Variants in METTL16 observed in about 807,000 individuals in gnomAD.
METTL16 encodes the protein RNA N(6)-adenosine-methyltransferase METTL16.
Under a neutral mutation model 57.9 loss-of-function variants are expected in METTL16, and 19 were observed. That is an observed-to-expected ratio of 0.33 (90% CI 0.23 to 0.48). METTL16 has a LOEUF of 0.48. Ranked by LOEUF, METTL16 falls within the 20% of genes least tolerant of loss-of-function variation. The pLI, the probability that METTL16 is intolerant of heterozygous loss-of-function variation, is 0.99. For synonymous variants in METTL16, 246 were observed against 255.6 expected (o/e 0.96, Z 0.36); for missense variants, 434 against 691.5 (o/e 0.63, Z 4.18).
At chr17:2,473,058 G>A (rs1202224487) in intron 4 of METTL16, among the ~76,000 whole-genome samples, 1 of 152,122 alleles carries the variant, frequency 6.6e-6, no homozygotes, top group African/African-American at 2.4e-5. Context: ...TCTGTTGGGG[G>A]ATGCTGATAA....
intron 8 of METTL16, among the ~76,000 whole-genome samples, chr17:2,434,905 T>C (rs1349083427): frequency 6.6e-6 from 1 of 152,176 alleles, no homozygotes; most frequent in Non-Finnish European, 1.5e-5. Flanking sequence ...AGTGAACAAC[T>C]CACTAGGGCT....
chr17:2,447,466 C>G (rs1390356125), intron 6 of METTL16, among the ~76,000 whole-genome samples: 1 of 136,988 alleles, frequency 7.3e-6, no homozygotes, highest in Non-Finnish European at 1.5e-5. Flanking sequence ...GTCAGCCCCC[C>G]GCCCGGCCAG....
chr17:2,434,881 G>A (rs1267115983), intron 8 of METTL16, among the ~76,000 whole-genome samples: 1 of 152,228 alleles, frequency 6.6e-6, no homozygotes, highest in Non-Finnish European at 1.5e-5. Flanking sequence ...TTCCTGAGCA[G>A]TGCTCACACC....
At chr17:2,444,714 T>C (rs2066981472) in intron 6 of METTL16, among the ~76,000 whole-genome samples, 1 of 132,544 alleles carries the variant, frequency 7.5e-6, no homozygotes, top group South Asian at 2.4e-4. Flanking sequence ...AGATGGACCA[T>C]TTTTTTTTTT....
chr17:2,452,276 T>C (rs2067077047), intron 6 of METTL16, among the ~76,000 whole-genome samples: 1 of 152,196 alleles, frequency 6.6e-6, no homozygotes, highest in Admixed American at 6.5e-5. Context: ...TTCATATTTC[T>C]TTTAACCTTT....
intron 6 of METTL16, among the ~76,000 whole-genome samples, chr17:2,453,839 G>A (rs1449593783): frequency 6.6e-6 from 1 of 152,092 alleles, no homozygotes; most frequent in Non-Finnish European, 1.5e-5. Context: ...ATTGAAGACT[G>A]GCAATCTGGT....
intron 8 of METTL16, among the ~76,000 whole-genome samples, chr17:2,437,465 G>C (rs1299905732): frequency 6.6e-6 from 1 of 152,188 alleles, no homozygotes; most frequent in Non-Finnish European, 1.5e-5. Flanking sequence ...AATTCTTGAG[G>C]AATGTCCACC....
intron 3 of METTL16, chr17:2,477,417 G>T: frequency 3.2e-6 from 1 of 317,192 alleles, no homozygotes; most frequent in African/African-American, 2.1e-5. Context: ...TTCAGATTTT[G>T]AAATATGTGC....
chr17:2,416,394 G>A lies in METTL16; in HGVS notation c.*3576C>T, dbSNP rs895013680. ...TATTCCTGTCACAACTTAGAAGTTC[G>A]AGTGCTCACATGGTAAGCTTTGATT... On this transcript the variant is annotated 3_prime_UTR_variant, in exon 10 of 10. Coordinates refer to ENST00000263092, the MANE Select transcript of METTL16 (RefSeq NM_024086.4). 3 of 152,184 alleles carry A rather than the reference G, an allele frequency of 2.0e-5. No individual in the cohort carries two copies. The highest frequency in any genetic ancestry group is 2.9e-5 in the Non-Finnish European group (2 of 68,034). The allele number at this position is 152,184 out of a possible 1,614,324, so 9.4% of individuals were successfully genotyped here.
intron 2 of METTL16, among the ~76,000 whole-genome samples, chr17:2,499,447 GCA>G (rs1277889114): frequency 1.3e-5 from 2 of 149,950 alleles, no homozygotes; most frequent in African/African-American, 4.9e-5. Flanking sequence ...GACTACAGAT[GCA>G]CAGTGTTGCA....
At chr17:2,503,646 T>G (rs1016856474) in intron 1 of METTL16, among the ~76,000 whole-genome samples, 2 of 151,884 alleles carry the variant, frequency 1.3e-5, no homozygotes, top group African/African-American at 4.8e-5. Flanking sequence ...GGTATATCCA[T>G]ACAATAAATA....
At chr17:2,451,263 A>G (rs571290692) in intron 6 of METTL16, among the ~76,000 whole-genome samples, 1 of 152,338 alleles carries the variant, frequency 6.6e-6, no homozygotes, top group South Asian at 2.1e-4. Flanking sequence ...AAAGTTATTT[A>G]AAGGATAATA....
chr17:2,446,276 T>C (rs1281991024), intron 6 of METTL16, among the ~76,000 whole-genome samples: 1 of 152,186 alleles, frequency 6.6e-6, no homozygotes, highest in Non-Finnish European at 1.5e-5. Flanking sequence ...CTATTCAAAA[T>C]TGTGCTGGAG....
chr17:2,495,779 G>A (rs995278150), intron 2 of METTL16, among the ~76,000 whole-genome samples: 1 of 150,766 alleles, frequency 6.6e-6, no homozygotes, highest in African/African-American at 2.5e-5. Flanking sequence ...GGAAGTAACT[G>A]CAGATGTGCT....
At chr17:2,491,791 C>T (rs1036618755) in intron 2 of METTL16, among the ~76,000 whole-genome samples, 2 of 143,060 alleles carry the variant, frequency 1.4e-5, no homozygotes, top group African/African-American at 5.4e-5. Context: ...AGGAGAATGG[C>T]ATGAACCTGG....
rs1171538040 is a variant in METTL16 at position 2,416,251 on chromosome 17, G to A, written c.*3719C>T. On this transcript the variant is annotated 3_prime_UTR_variant, in exon 10 of 10. Transcript: ENST00000263092. The stretch of plus-strand genomic sequence containing the variant: ...GTGTGGCCACGGAGGGAAATGCCGC[G>A]GCTTCAGCAGAAAGGAGGGGCTCCA... 1 of 152,144 alleles carries A rather than the reference G, an allele frequency of 6.6e-6. No homozygotes were observed. The highest frequency in any genetic ancestry group is 2.4e-5 in the African/African-American group (1 of 41,442). The allele number at this position is 152,144 out of a possible 1,614,324, so 9.4% of individuals were successfully genotyped here.
intron 6 of METTL16, among the ~76,000 whole-genome samples, chr17:2,444,753 G>A (rs1423169464): frequency 1.4e-5 from 2 of 145,194 alleles, no homozygotes; most frequent in Non-Finnish European, 3.0e-5. Flanking sequence ...TCGCTCTGTC[G>A]CCCAGGCTGC....
At chr17:2,480,709 T>G (rs2067299598) in intron 2 of METTL16, among the ~76,000 whole-genome samples, 1 of 152,162 alleles carries the variant, frequency 6.6e-6, no homozygotes, top group South Asian at 2.1e-4. Context: ...TGGGGCTCCC[T>G]TTGGCCAAAT....
intron 2 of METTL16, among the ~76,000 whole-genome samples, chr17:2,492,102 T>A (rs986409175): frequency 6.6e-6 from 1 of 150,834 alleles, no homozygotes; most frequent in East Asian, 2.0e-4. Context: ...TCCCAGCTAC[T>A]CGGGAGGCTG....
Sources: allele counts gnomAD v4.1 joint callset (sites outside exome capture counted in the v4.1 genomes callset), GRCh38; gene constraint gnomAD v4.1.1; transcripts MANE v1.5; gene names NCBI Gene and HGNC (gene_info 2026-07-23, HGNC 2026-07-21).